Variants in CDH9 observed in about 807,000 individuals in gnomAD.
CDH9 encodes cadherin 9.
In CDH9, 28 loss-of-function variants were observed where a neutral mutation model predicts 70.9. The observed-to-expected ratio is 0.40, with a 90% CI of 0.29 to 0.54. CDH9 has a LOEUF of 0.54. CDH9 is among the 20% of genes least tolerant of loss of function. CDH9 has a pLI of 0.59. For missense variants in CDH9, 874 were observed against 984.4 expected (o/e 0.89, Z 1.50); for synonymous variants, 409 against 343.1 (o/e 1.19, Z -2.12).
At chr5:27,001,741 C>T (rs1385040504) in intron 1 of CDH9, among the ~76,000 whole-genome samples, 1 of 151,730 alleles carries the variant, frequency 6.6e-6, no homozygotes, top group South Asian at 2.1e-4. Context: ...GAATCAGGAT[C>T]CTTCAAAAAA....
At chr5:26,979,871 G>A (rs1292143996) in intron 2 of CDH9, among the ~76,000 whole-genome samples, 1 of 151,550 alleles carries the variant, frequency 6.6e-6, no homozygotes, top group Non-Finnish European at 1.5e-5. Flanking sequence ...CCTAATAACT[G>A]TATTAAAATA....
At chr5:26,888,296 T>C (rs1262449539) in intron 9 of CDH9, among the ~76,000 whole-genome samples, 1 of 152,114 alleles carries the variant, frequency 6.6e-6, no homozygotes, top group Non-Finnish European at 1.5e-5. Flanking sequence ...TACAATTTAA[T>C]TTTTCCTACT....
chr5:26,981,251 C>A (rs1742394894), intron 2 of CDH9, among the ~76,000 whole-genome samples: 1 of 152,016 alleles, frequency 6.6e-6, no homozygotes, highest in South Asian at 2.1e-4. Flanking sequence ...CCTGCAGATA[C>A]CAAAATGTGC....
intron 11 of CDH9, 43 bp downstream of exon 11, chr5:26,885,571 G>A: frequency 6.4e-7 from 1 of 1,560,764 alleles, no homozygotes; most frequent in Non-Finnish European, 8.8e-7. Context: ...GTGAGGGAGA[G>A]ATTTTTGTGA....
intron 1 of CDH9, among the ~76,000 whole-genome samples, chr5:27,006,249 T>C (rs1162880077): frequency 6.6e-6 from 1 of 152,166 alleles, no homozygotes; most frequent in Admixed American, 6.6e-5. Flanking sequence ...ATTTATCAAA[T>C]CATCATTTAT....
At chr5:26,963,301 T>C (rs1038058202) in intron 2 of CDH9, among the ~76,000 whole-genome samples, 1 of 152,180 alleles carries the variant, frequency 6.6e-6, no homozygotes, top group Non-Finnish European at 1.5e-5. Context: ...ATCTAGCTTC[T>C]GGCTCTAATC....
chr5:26,898,622 G>A (rs531431871), intron 7 of CDH9, among the ~76,000 whole-genome samples: 3 of 152,060 alleles, frequency 2.0e-5, no homozygotes, highest in South Asian at 2.1e-4. Context: ...AGCCATATGC[G>A]GAAAACTGAA....
At chr5:26,958,861 A>G (rs992695076) in intron 2 of CDH9, among the ~76,000 whole-genome samples, 2 of 152,184 alleles carry the variant, frequency 1.3e-5, no homozygotes, top group African/African-American at 4.8e-5. Context: ...TAATTAACTC[A>G]AAATAGATCA....
chr5:26,943,836 G>C (rs553492880), intron 2 of CDH9, among the ~76,000 whole-genome samples: 3 of 152,120 alleles, frequency 2.0e-5, no homozygotes, highest in Non-Finnish European at 4.4e-5. Context: ...AATTACATCA[G>C]TGTTATTTAA....
In CDH9 at chr5:26,933,561, G is replaced by A. The variant is rs114543604; in HGVS notation, c.229-17637C>T. ...GGAGGCCGAGGCGGGTGGATCACAA[G>A]TCAAGAGATCGAGACCATCCAGGCC... On this transcript the variant is annotated intron_variant, in intron 2 of 11. Coordinates refer to ENST00000231021, the MANE Select transcript of CDH9 (RefSeq NM_016279.4). Among the ~76,000 whole-genome samples, 470 of 151,944 alleles carry A rather than the reference G, an allele frequency of 3.1e-3. 2 individuals carry two copies. Among genetic ancestry groups the A allele is most frequent in the African/African-American group, 0.011 (454 of 41,484 alleles).
At chr5:26,907,499 A>C (rs1037762474) in intron 3 of CDH9, among the ~76,000 whole-genome samples, 5 of 152,090 alleles carry the variant, frequency 3.3e-5, no homozygotes, top group Admixed American at 1.3e-4. Flanking sequence ...ATTATTCTCC[A>C]AAAGAAGATC....
chr5:26,906,512 T>A (rs1048561717), intron 4 of CDH9, among the ~76,000 whole-genome samples: 6 of 152,170 alleles, frequency 3.9e-5, no homozygotes, highest in African/African-American at 1.2e-4. Flanking sequence ...TTAAACCCAA[T>A]GAATAATAGT....
At chr5:26,921,636 T>C (rs1741245346) in intron 2 of CDH9, among the ~76,000 whole-genome samples, 1 of 152,176 alleles carries the variant, frequency 6.6e-6, no homozygotes, top group African/African-American at 2.4e-5. Context: ...GCTGATTCAT[T>C]CACTTTCGAC....
At chr5:26,908,340 G>GTT (rs34902473) in intron 3 of CDH9, among the ~76,000 whole-genome samples, 76 of 150,812 alleles carry the variant, frequency 5.0e-4, no homozygotes, top group East Asian at 9.8e-4. Flanking sequence ...TTCAACAAGT[G>GTT]TTTTTTTTTA....
chr5:26,937,149 TTGTATCCAAAA>T (rs138458527), intron 2 of CDH9, among the ~76,000 whole-genome samples: 29,521 of 151,920 alleles, frequency 0.19, 3,045 homozygotes, highest in South Asian at 0.34. Flanking sequence ...GGCAAAAGAC[TTGTATCCAAAA>T]TGTACAAAGA....
chr5:26,885,648 G>T lies in CDH9; in HGVS notation c.1848C>A (p.Leu616=). The change falls in exon 11 of 12, where the codon CTC becomes CTA. Residue 616 remains leucine, a synonymous_variant. Coordinates refer to ENST00000231021, the MANE Select transcript of CDH9 (RefSeq NM_016279.4). ...TGAGGACACAGAGTAGAATCGCAAC[G>T]AGAGCTCCCGTGCTCAGGCCGGCTG... ...ILSAGLSTGA[L]VAILLCVLIL... The T allele has an allele frequency of 6.2e-7, 1 of 1,613,544 alleles. No individual in the cohort carries two copies. Among genetic ancestry groups the T allele is most frequent in the Non-Finnish European group, 8.5e-7 (1 of 1,179,782 alleles).
At chr5:26,903,488 G>T (rs760005157) in intron 6 of CDH9, 149 bp downstream of exon 6, 56 of 731,782 alleles carry the variant, frequency 7.7e-5, no homozygotes, top group Middle Eastern at 2.3e-4. Context: ...CTTGCTTGAA[G>T]TGATATCACA....
chr5:26,946,881 A>C (rs934131060), intron 2 of CDH9, among the ~76,000 whole-genome samples: 2 of 152,168 alleles, frequency 1.3e-5, no homozygotes, highest in Admixed American at 6.6e-5. Flanking sequence ...GCAGTGAGAA[A>C]ACTCTAGATA....
chr5:26,898,832 A>T (rs1740799662), intron 7 of CDH9, among the ~76,000 whole-genome samples: 1 of 152,218 alleles, frequency 6.6e-6, no homozygotes, highest in Admixed American at 6.5e-5. Context: ...AGATCTAATT[A>T]AACTAAAGGG....
Sources: allele counts gnomAD v4.1 joint callset (sites outside exome capture counted in the v4.1 genomes callset), GRCh38; gene constraint gnomAD v4.1.1; transcripts MANE v1.5; gene names NCBI Gene and HGNC (gene_info 2026-07-23, HGNC 2026-07-21).